SLC25A48: variants seen among roughly 807,000 people sequenced by gnomAD.
The protein encoded by SLC25A48 is CTC-321K16.1.
A neutral mutation model predicts 32.2 loss-of-function variants in SLC25A48; 29 were observed. The ratio of observed to expected loss-of-function variants is 0.90; its 90% CI spans 0.67 to 1.23. SLC25A48 has a LOEUF of 1.23. SLC25A48 is among the 50% of genes most tolerant of loss of function. SLC25A48 has a pLI of 0.00. For missense variants in SLC25A48, 399 were observed against 422.7 expected, an observed-to-expected ratio of 0.94 and a Z score of 0.49; for synonymous variants, 164 against 172.3, an observed-to-expected ratio of 0.95 and a Z score of 0.38.
chr5:135,831,469 G>T (rs1335687102), upstream of SLC25A48, among the ~76,000 whole-genome samples: 4 of 152,238 alleles, frequency 2.6e-5, no homozygotes, highest in Non-Finnish European at 5.9e-5. Flanking sequence ...CAGAGATACA[G>T]ATATGCTCAG....
chr5:135,715,072 G>A (rs1257389222), intron 3 of SLC25A48, among the ~76,000 whole-genome samples: 2 of 152,200 alleles, frequency 1.3e-5, no homozygotes, highest in Non-Finnish European at 1.5e-5. Context: ...GGAGAGGCAG[G>A]AGACAGGAGG....
chr5:135,667,763 T>TA (rs1753557905), intron 3 of SLC25A48, among the ~76,000 whole-genome samples: 1 of 152,208 alleles, frequency 6.6e-6, no homozygotes, highest in Non-Finnish European at 1.5e-5. Context: ...CGTAAAGCCA[T>TA]AAAAAATCCT....
At chr5:135,773,332 G>A (rs1393557739) in intron 3 of SLC25A48, among the ~76,000 whole-genome samples, 3 of 151,266 alleles carry the variant, frequency 2.0e-5, no homozygotes, top group Non-Finnish European at 3.0e-5. Context: ...TCATAGAAGG[G>A]GTGTACACAC....
At chr5:135,679,732 C>T (rs1361230362) in intron 3 of SLC25A48, among the ~76,000 whole-genome samples, 1 of 152,108 alleles carries the variant, frequency 6.6e-6, no homozygotes, top group Non-Finnish European at 1.5e-5. Flanking sequence ...CTCGGAAGGT[C>T]AATGGGGTTC....
chr5:135,726,969 T>A (rs1755104844), intron 3 of SLC25A48, among the ~76,000 whole-genome samples: 1 of 152,128 alleles, frequency 6.6e-6, no homozygotes, highest in Admixed American at 6.5e-5. Flanking sequence ...CAGCATTTGG[T>A]GTCACTATTT....
At chr5:135,743,302 C>A (rs986299751) in intron 3 of SLC25A48, among the ~76,000 whole-genome samples, 1 of 151,188 alleles carries the variant, frequency 6.6e-6, no homozygotes, top group Non-Finnish European at 1.5e-5. Context: ...GAACTCCCGA[C>A]CTCAAGTGAT....
At chr5:135,850,335 A>T in intron 2 of SLC25A48, 90 bp from the exon 3 acceptor site, 1 of 1,344,708 alleles carries the variant, frequency 7.4e-7, no homozygotes, top group South Asian at 1.2e-5. Context: ...GGGGGTCACT[A>T]TGAGCAGGGC....
intron 3 of SLC25A48, among the ~76,000 whole-genome samples, chr5:135,708,536 G>A (rs1440087645): frequency 6.6e-6 from 1 of 152,222 alleles, no homozygotes; most frequent in Non-Finnish European, 1.5e-5. Context: ...CTGTAATGGT[G>A]CATTCATCCA....
intron 3 of SLC25A48, among the ~76,000 whole-genome samples, chr5:135,743,386 A>G (rs894586622): frequency 6.6e-6 from 1 of 151,876 alleles, no homozygotes; most frequent in Non-Finnish European, 1.5e-5. Context: ...GACACTTTTC[A>G]TTGTGACAGG....
chr5:135,825,617 G>C (rs1001692827), intron 4 of SLC25A48: 2 of 152,760 alleles, frequency 1.3e-5, no homozygotes, highest in African/African-American at 4.8e-5. Context: ...TGGGAGGGGG[G>C]CTTGCATCGG....
intron 3 of SLC25A48, among the ~76,000 whole-genome samples, chr5:135,732,888 C>A (rs1192177299): frequency 1.3e-5 from 2 of 152,124 alleles, no homozygotes; most frequent in Non-Finnish European, 2.9e-5. Flanking sequence ...TCAGCATAAG[C>A]ATTGTCTTGA....
At chr5:135,823,705 G>A (rs888494897) in intron 4 of SLC25A48, among the ~76,000 whole-genome samples, 2 of 152,230 alleles carry the variant, frequency 1.3e-5, no homozygotes, top group African/African-American at 4.8e-5. Flanking sequence ...TGAATGAGGG[G>A]TATGAGGGTG....
intron 7 of SLC25A48, among the ~76,000 whole-genome samples, chr5:135,886,697 AGAGAGT>A (rs1181017688): frequency 3.3e-4 from 44 of 131,682 alleles, no homozygotes; most frequent in Admixed American, 3.1e-4. Flanking sequence ...AGAGAGAGAG[AGAGAGT>A]GTGTGTGTGT....
chr5:135,814,632 G>C lies in SLC25A48; in HGVS notation c.-117+1706G>C, dbSNP rs1367425462. Among the ~76,000 whole-genome samples the C allele has an allele frequency of 2.6e-5, 4 of 152,224 alleles. No homozygotes were observed. The East Asian group carries it at 7.7e-4, about 29-fold the overall frequency. On this transcript the variant is annotated intron_variant, in intron 4 of 10. Transcript: ENST00000646290. ...GCTAGAAGCACAGGCTCCGGAGTCA[G>C]AGGGACCTGGGACCAGGCACCCAGA...
chr5:135,593,974 G>A (rs1751586481), intron 1 of SLC25A48, among the ~76,000 whole-genome samples: 1 of 152,236 alleles, frequency 6.6e-6, no homozygotes, highest in Admixed American at 6.5e-5. Context: ...CACAGGAACT[G>A]CATCATCTTG....
intron 3 of SLC25A48, among the ~76,000 whole-genome samples, chr5:135,704,571 A>G (rs1754466615): frequency 6.6e-6 from 1 of 152,162 alleles, no homozygotes; most frequent in African/African-American, 2.4e-5. Context: ...ACCAAAATTA[A>G]CTAGCTTTAT....
chr5:135,672,245 A>G (rs1328351490), intron 3 of SLC25A48, among the ~76,000 whole-genome samples: 1 of 152,092 alleles, frequency 6.6e-6, no homozygotes, highest in African/African-American at 2.4e-5. Context: ...GTAAAGGGAG[A>G]GGGTTTCCGA....
At chr5:135,681,312 T>G (rs935413730) in intron 3 of SLC25A48, among the ~76,000 whole-genome samples, 2 of 152,212 alleles carry the variant, frequency 1.3e-5, no homozygotes, top group African/African-American at 4.8e-5. Context: ...TGTCTTCAAG[T>G]TCACTATTTT....
In SLC25A48 at chr5:135,602,270, A is replaced by C. The variant is rs114225717; in HGVS notation, c.-849+22673A>C. Among the ~76,000 whole-genome samples the C allele has an allele frequency of 5.6e-3, 855 of 152,328 alleles. 7 individuals carry two copies. The highest frequency in any genetic ancestry group is 0.019 in the African/African-American group (809 of 41,564). ...CATTTCCCTCACAAATGTGTTCACCAATGTACTTTCCCCAAATCATTTACA... is the reference window on the plus strand; with the variant it reads ...CATTTCCCTCACAAATGTGTTCACCCATGTACTTTCCCCAAATCATTTACA... On this transcript the variant is annotated intron_variant, in intron 1 of 10. Coordinates refer to the SLC25A48 transcript ENST00000646290.
Sources: gnomAD v4.1 joint callset for allele counts (sites outside exome capture counted in the v4.1 genomes callset) on GRCh38, gnomAD v4.1.1 for gene constraint, MANE v1.5 for transcripts, NCBI Gene and HGNC (gene_info 2026-07-23, HGNC 2026-07-21) for gene names.